Variants in ADGRL2 observed in about 807,000 individuals in gnomAD.
ADGRL2 encodes the protein calcium-independent alpha-latrotoxin receptor 2.
In ADGRL2, 44 loss-of-function variants were observed where a neutral mutation model predicts 157.4. The observed-to-expected ratio is 0.28, with a 90% CI of 0.22 to 0.36. The LOEUF (loss-of-function observed/expected upper bound fraction) is 0.36, where lower values mean the gene tolerates loss of function less well. ADGRL2 is among the 10% of genes least tolerant of loss of function. The probability of loss-of-function intolerance (pLI) is 1.00; values close to 1 mark genes in which losing one functional copy is unlikely to be tolerated. For missense variants in ADGRL2, 1,510 were observed against 1,768.9 expected (o/e 0.85, Z 2.63); for synonymous variants, 585 against 624.7 (o/e 0.94, Z 0.95).
At chr1:81,893,791 T>C (rs1019679505) in intron 2 of ADGRL2, among the ~76,000 whole-genome samples, 13 of 152,220 alleles carry the variant, frequency 8.5e-5, no homozygotes, top group Non-Finnish European at 4.4e-5. Context: ...AACTTTACAA[T>C]GTTAAAATAA....
rs985857106 is a variant in ADGRL2 at position 81,501,971 on chromosome 1, A to G, written c.-248+56882A>G. ...CACAGCTGGGAGACCTTCTGGCAGC[A>G]CTCCCTTAGGTCCCTTAGCCAGAGT... On this transcript the variant is annotated intron_variant, in intron 2 of 24. Coordinates refer to the ADGRL2 transcript ENST00000370721. The G allele has an allele frequency of 3.1e-6, 5 of 1,613,288 alleles. No homozygotes were observed. The Admixed American group carries it at 8.3e-5, about 27-fold the overall frequency.
intron 3 of ADGRL2, among the ~76,000 whole-genome samples, chr1:81,676,931 T>C (rs639599): frequency 0.61 from 91,846 of 151,100 alleles, 28,270 homozygotes; most frequent in Middle Eastern, 0.66. Flanking sequence ...CCTCGTGATC[T>C]GCCCGCAGTG....
At chr1:81,895,441 C>T (rs1169198709) in intron 2 of ADGRL2, among the ~76,000 whole-genome samples, 1 of 140,758 alleles carries the variant, frequency 7.1e-6, no homozygotes. Flanking sequence ...TCTTGTTGCC[C>T]AGGCTGGAGT....
At chr1:81,394,612 C>T (rs1052939655) in intron 1 of ADGRL2, among the ~76,000 whole-genome samples, 1 of 152,136 alleles carries the variant, frequency 6.6e-6, no homozygotes, top group African/African-American at 2.4e-5. Flanking sequence ...CATTTATCTG[C>T]CATTGGGCAC....
At chr1:81,668,187 C>G (rs140862146) in intron 3 of ADGRL2, among the ~76,000 whole-genome samples, 3 of 151,948 alleles carry the variant, frequency 2.0e-5, no homozygotes, top group Non-Finnish European at 4.4e-5. Context: ...CTTTGGGGGG[C>G]GAAGTGGGGC....
At chr1:81,792,706 T>C (rs1205545391) in intron 2 of ADGRL2, among the ~76,000 whole-genome samples, 1 of 152,120 alleles carries the variant, frequency 6.6e-6, no homozygotes, top group Non-Finnish European at 1.5e-5. Context: ...CATATGCTTA[T>C]GATGATATTT....
chr1:81,887,451 C>A (rs1012947916), intron 2 of ADGRL2, among the ~76,000 whole-genome samples: 1 of 152,066 alleles, frequency 6.6e-6, no homozygotes, highest in Non-Finnish European at 1.5e-5. Flanking sequence ...TGAAAGAGAG[C>A]AAATATCAGA....
At chr1:81,348,703 C>T (rs548713625) in intron 1 of ADGRL2, among the ~76,000 whole-genome samples, 2 of 152,236 alleles carry the variant, frequency 1.3e-5, no homozygotes, top group African/African-American at 4.8e-5. Context: ...ACTTCTCTTT[C>T]TTGCTGTCAT....
intron 3 of ADGRL2, among the ~76,000 whole-genome samples, chr1:81,909,360 A>G (rs941506566): frequency 6.6e-6 from 1 of 152,078 alleles, no homozygotes; most frequent in African/African-American, 2.4e-5. Context: ...GTTAAGAGTT[A>G]TCATTTATAT....
intron 1 of ADGRL2, among the ~76,000 whole-genome samples, chr1:81,398,267 A>G (rs995171914): frequency 6.6e-6 from 1 of 152,040 alleles, no homozygotes; most frequent in Non-Finnish European, 1.5e-5. Flanking sequence ...CTGTCACTGT[A>G]TAACTTTTAA....
chr1:81,436,962 C>T (rs1005616127), intron 1 of ADGRL2, among the ~76,000 whole-genome samples: 8 of 152,236 alleles, frequency 5.3e-5, no homozygotes, highest in African/African-American at 1.7e-4. Flanking sequence ...TATAATTCCA[C>T]TCCTTACGAT....
chr1:81,808,393 C>T (rs1164486808), intron 1 of ADGRL2, among the ~76,000 whole-genome samples: 1 of 151,912 alleles, frequency 6.6e-6, no homozygotes, highest in African/African-American at 2.4e-5. Flanking sequence ...AGGATATTGG[C>T]GCCAGTTTTG....
chr1:81,706,276 CAAGAA>C (rs2083734668), intron 1 of ADGRL2, among the ~76,000 whole-genome samples: 1 of 151,844 alleles, frequency 6.6e-6, no homozygotes, highest in African/African-American at 2.4e-5. Context: ...TATAAATGGT[CAAGAA>C]ACCTTAGAGG....
intron 1 of ADGRL2, among the ~76,000 whole-genome samples, chr1:81,343,622 T>C (rs1172089884): frequency 1.3e-5 from 2 of 152,082 alleles, no homozygotes; most frequent in Admixed American, 1.3e-4. Context: ...CATACTCAGT[T>C]TTTGGTGAGG....
chr1:81,697,857 C>G (rs907820358), upstream of ADGRL2, among the ~76,000 whole-genome samples: 1 of 152,168 alleles, frequency 6.6e-6, no homozygotes, highest in Non-Finnish European at 1.5e-5. Flanking sequence ...GCATTTCCTG[C>G]CTCCACAGAA....
At chr1:81,564,625 T>C (rs960242711) in intron 2 of ADGRL2, among the ~76,000 whole-genome samples, 4 of 152,148 alleles carry the variant, frequency 2.6e-5, no homozygotes, top group Non-Finnish European at 5.9e-5. Context: ...AGTCTTTTTA[T>C]AGTCTTATCT....
chr1:81,844,323 G>A (rs1370205826), intron 2 of ADGRL2, among the ~76,000 whole-genome samples: 1 of 152,118 alleles, frequency 6.6e-6, no homozygotes, highest in Non-Finnish European at 1.5e-5. Context: ...GTGGAACTGT[G>A]ATTCTGTTAA....
intron 3 of ADGRL2, among the ~76,000 whole-genome samples, chr1:81,693,155 G>T (rs2083376540): frequency 6.6e-6 from 1 of 152,012 alleles, no homozygotes; most frequent in South Asian, 2.1e-4. Context: ...AGAGCCTTCT[G>T]CTCCCCTGAA....
intron 11 of ADGRL2, among the ~76,000 whole-genome samples, chr1:81,962,548 T>C (rs1413607947): frequency 6.6e-6 from 1 of 152,198 alleles, no homozygotes; most frequent in Non-Finnish European, 1.5e-5. Context: ...TTAAGAAATA[T>C]TTTCCTTTTG....
Sources: allele counts gnomAD v4.1 joint callset (sites outside exome capture counted in the v4.1 genomes callset), GRCh38; gene constraint gnomAD v4.1.1; transcripts MANE v1.5; gene names NCBI Gene and HGNC (gene_info 2026-07-23, HGNC 2026-07-21).